Variants in TRPM4 observed in about 807,000 individuals in gnomAD.
The protein encoded by TRPM4 is transient receptor potential cation channel subfamily M member 4.
TRPM4 carries 124 observed loss-of-function variants against 135.6 expected under a neutral mutation model. The ratio of observed to expected loss-of-function variants is 0.91; its 90% CI spans 0.79 to 1.06. TRPM4 has a LOEUF of 1.06. Among genes scored for constraint, TRPM4 ranks in the 50% least tolerant of loss-of-function variants. The pLI is 0.00. For missense variants in TRPM4, 1,658 were observed against 1,671.4 expected, an observed-to-expected ratio of 0.99 and a Z score of 0.14; for synonymous variants, 745 against 705.6, an observed-to-expected ratio of 1.06 and a Z score of -0.88.
chr19:49,184,312 G>T (rs1046130658), intron 12 of TRPM4, among the ~76,000 whole-genome samples: 1 of 151,674 alleles, frequency 6.6e-6, no homozygotes, highest in African/African-American at 2.4e-5. Context: ...TAATCTCAAT[G>T]TACTTAGCTT....
rs761488384 is a variant in TRPM4 at position 49,200,467 on chromosome 19, AT to A, written c.2778+36del. On this transcript the variant is annotated intron_variant, in intron 18 of 24. Transcript: ENST00000252826. ...GGGCGGGGCCAAAGTGGGCGGGGAC[AT>A]AGGGAAAGGGGTGGGGCCAGGGAGG... The A allele has an allele frequency of 2.6e-4, 330 of 1,251,274 alleles. 4 individuals carry two copies. The highest frequency in any genetic ancestry group is 6.8e-5 in the Non-Finnish European group (61 of 901,756). 77.5% of individuals were successfully genotyped at this position (1,251,274 alleles called of 1,614,324 possible).
rs775972446 is a variant in TRPM4 at position 49,210,488 on chromosome 19, T to G, written c.3328+83T>G. 2.5e-5 allele frequency: 39 copies of G among 1,532,210 alleles called. No individual in the cohort carries two copies. The highest frequency in any genetic ancestry group is 3.3e-5 in the Non-Finnish European group (37 of 1,123,304). The allele number at this position is 1,532,210 out of a possible 1,614,324, so 94.9% of individuals were successfully genotyped here. On this transcript the variant is annotated intron_variant, in intron 21 of 24. Transcript: ENST00000252826. The surrounding 1 kb of genome is among the most constrained non-coding windows in gnomAD (Gnocchi z 4.1). Reference sequence around the variant, plus strand: ...CGAGGGGAAGGGGGCATGCCCCAAATGACTAACGGGCGTGGCTTAGGTAGC... The same window carrying G: ...CGAGGGGAAGGGGGCATGCCCCAAAGGACTAACGGGCGTGGCTTAGGTAGC...
chr19:49,205,320 C>G (rs1969107445), intron 20 of TRPM4, among the ~76,000 whole-genome samples: 1 of 152,034 alleles, frequency 6.6e-6, no homozygotes, highest in Non-Finnish European at 1.5e-5. Flanking sequence ...TCTTTGGCTT[C>G]TAGTTGCGTC....
chr19:49,196,170 T>A (rs1177693761), intron 16 of TRPM4, among the ~76,000 whole-genome samples: 4 of 152,154 alleles, frequency 2.6e-5, no homozygotes, highest in African/African-American at 9.7e-5. Flanking sequence ...GGTATATTTT[T>A]AAAATATTTT....
Position 49,210,314 on chromosome 19 carries a change from T to C in TRPM4, c.3237T>C (p.Phe1079=). The C allele has an allele frequency of 1.2e-6, 2 of 1,614,216 alleles. No individual in the cohort carries two copies. Among genetic ancestry groups the C allele is most frequent in the South Asian group, 1.1e-5 (1 of 91,086 alleles). ...FHSRPALAPP[F]IVISHLRLLL... is the part of the protein sequence containing the mutation. ...CTCGGCCCGCGCTGGCCCCGCCCTTTATCGTCATCTCCCACTTGCGCCTCC... is the reference window on the plus strand; with the variant it reads ...CTCGGCCCGCGCTGGCCCCGCCCTTCATCGTCATCTCCCACTTGCGCCTCC... Residue 1079 remains phenylalanine, a synonymous_variant, in exon 21 of 25, where the codon TTT becomes TTC. Coordinates refer to ENST00000252826, the MANE Select transcript of TRPM4 (RefSeq NM_017636.4). This position sits in a 1 kb window ranked among gnomAD's most constrained non-coding sequence, Gnocchi z 4.1.
chr19:49,201,372 G>A (rs112289773), intron 19 of TRPM4, among the ~76,000 whole-genome samples: 4,681 of 152,268 alleles, frequency 0.031, 246 homozygotes, highest in African/African-American at 0.11. Context: ...TTTTAAATAA[G>A]GAAGAGGAAC....
Position 49,196,481 on chromosome 19 carries a change from G to T in TRPM4, c.2252G>T (p.Arg751Leu), listed in dbSNP as rs761853327. 1 of 1,554,300 alleles carries T rather than the reference G, an allele frequency of 6.4e-7. No homozygotes were observed. The highest frequency in any genetic ancestry group is 8.7e-7 in the Non-Finnish European group (1 of 1,153,232). The part of the protein sequence containing the change: ...PAEKTPLGVP[R>L]QSGRPGCCGG... ...GAGAAGACGCCGCTGGGGGTCCCGC[G>T]CCAGTCGGGCCGTCCGGGTTGCTGC... The change falls in exon 17 of 25, where the codon CGC (arginine) becomes CTC (leucine). Residue 751 changes from arginine (R) to leucine (L), a missense_variant. Coordinates refer to ENST00000252826, the MANE Select transcript of TRPM4 (RefSeq NM_017636.4).
intron 17 of TRPM4, among the ~76,000 whole-genome samples, chr19:49,199,184 C>G (rs1968815989): frequency 6.6e-6 from 1 of 151,468 alleles, no homozygotes; most frequent in African/African-American, 2.4e-5. Flanking sequence ...TCTTGACTAC[C>G]AGATAGGTTG....
Position 49,210,122 on chromosome 19 carries a change from G to T in TRPM4, c.3132-87G>T. Reference sequence around the variant, plus strand: ...TGACTTCTGTCTGCTGCTATAGACTGAACAATTATTGCCTGGCATCTAACC... The same window carrying T: ...TGACTTCTGTCTGCTGCTATAGACTTAACAATTATTGCCTGGCATCTAACC... On this transcript the variant is annotated intron_variant, in intron 20 of 24. Coordinates refer to ENST00000252826, the MANE Select transcript of TRPM4 (RefSeq NM_017636.4). The surrounding 1 kb of genome is among the most constrained non-coding windows in gnomAD (Gnocchi z 4.1). The T allele has an allele frequency of 1.5e-6, 2 of 1,336,320 alleles. No individual in the cohort carries two copies. Among genetic ancestry groups the T allele is most frequent in the South Asian group, 2.3e-5 (2 of 85,234 alleles). The allele number at this position is 1,336,320 out of a possible 1,614,324, so 82.8% of individuals were successfully genotyped here.
rs1026716124 is a variant in TRPM4, at chr19:49,190,686, C to T, written c.2133-10C>T. ...CCTCATTTCTTGCTCTGTGCTTCCC[C>T]CCTTGCTAGGAAATCAGAAGAGGAG... is the stretch of plus-strand genomic sequence containing the variant. On this transcript the variant is annotated splice_polypyrimidine_tract_variant and intron_variant, in intron 15 of 24. Coordinates refer to ENST00000252826, the MANE Select transcript of TRPM4 (RefSeq NM_017636.4). 11 of 1,613,944 alleles carry T rather than the reference C, an allele frequency of 6.8e-6. No homozygotes were observed. The highest frequency in any genetic ancestry group is 9.3e-6 in the Non-Finnish European group (11 of 1,179,962).
Position 49,168,679 on chromosome 19 carries a change from A to T in TRPM4, c.739A>T (p.Asn247Tyr), listed in dbSNP as rs1555752067. The T allele has an allele frequency of 2.5e-6, 4 of 1,611,834 alleles. No individual in the cohort carries two copies. The highest frequency in any genetic ancestry group is 2.5e-6 in the Non-Finnish European group (3 of 1,179,486). The change falls in exon 6 of 25, where the codon AAC becomes TAC. Residue 247 changes from asparagine to tyrosine, a missense_variant. Transcript: ENST00000252826. ...CACACACGGCTGCCTGGGGGGCGAG[A>T]ACCGCTTCCGCTTGCGCCTGGAGTC... ...DGTHGCLGGENRFRLRLESYI... is the reference protein window; with the variant it reads ...DGTHGCLGGEYRFRLRLESYI...
At position 49,176,779 on chromosome 19, in the gene TRPM4, A is replaced by G. The variant is rs559560591; in HGVS notation, c.1151-4570A>G. Among the ~76,000 whole-genome samples the G allele has an allele frequency of 5.3e-5, 8 of 152,262 alleles. No individual in the cohort carries two copies. The South Asian group carries it at 1.7e-3, about 32-fold the overall frequency. Reference sequence around the variant, plus strand: ...GGCAGGAGAATCGCTTGAACCCAGGAGGTGGAGGTTGCCGTGAGCCAAGAT... The same window carrying G: ...GGCAGGAGAATCGCTTGAACCCAGGGGGTGGAGGTTGCCGTGAGCCAAGAT... On this transcript the variant is annotated intron_variant, in intron 9 of 24. Transcript: ENST00000252826.
chr19:49,174,708 C>T (rs1008015478), intron 9 of TRPM4, among the ~76,000 whole-genome samples: 2 of 146,714 alleles, frequency 1.4e-5, no homozygotes, highest in Admixed American at 1.4e-4. Flanking sequence ...TGTGCCACTG[C>T]ACTCCAGCCT....
Position 49,182,822 on chromosome 19 carries a change from TG to T in TRPM4, c.1512del (p.His505MetfsTer3). On this transcript the variant is annotated frameshift_variant, in exon 11 of 25. Coordinates refer to ENST00000252826, the MANE Select transcript of TRPM4 (RefSeq NM_017636.4). LOFTEE classifies it high-confidence loss of function. ...GCTGCGGAGCTCCGGCCCCCTGACG[TG>T]GGGCATGTGCTGAGGATGCTGCTGG... is the stretch of plus-strand genomic sequence containing the variant. ...GGAAELRPPD[V>X]GHVLRMLLGK... is the part of the protein sequence containing the mutation. 1 of 1,613,252 alleles carries T rather than the reference TG, an allele frequency of 6.2e-7. No homozygotes were observed. Among genetic ancestry groups the T allele is most frequent in the Admixed American group, 1.7e-5 (1 of 59,984 alleles).
chr19:49,197,330 T>TTC (rs1391663085), intron 17 of TRPM4, among the ~76,000 whole-genome samples: 3 of 136,554 alleles, frequency 2.2e-5, no homozygotes, highest in Middle Eastern at 3.7e-3. Context: ...CTTTCTTTCT[T>TTC]TCTTTCTTTC....
At position 49,171,334 on chromosome 19, in the gene TRPM4, G is replaced by A. The variant is rs1967444649; in HGVS notation, c.797-23G>A. On this transcript the variant is annotated intron_variant, in intron 6 of 24. Coordinates refer to ENST00000252826, the MANE Select transcript of TRPM4 (RefSeq NM_017636.4). This position sits in a 1 kb window ranked among gnomAD's most constrained non-coding sequence, Gnocchi z 4.7. ...GCAAAGGCTGATGGGAGGTAATCAAGCCCCCTTCTCTTCTTGCCTCAGGGA... is the reference window on the plus strand; with the variant it reads ...GCAAAGGCTGATGGGAGGTAATCAAACCCCCTTCTCTTCTTGCCTCAGGGA... 26 of 1,614,096 alleles carry A rather than the reference G, an allele frequency of 1.6e-5. No individual in the cohort carries two copies. The highest frequency in any genetic ancestry group is 2.0e-5 in the Non-Finnish European group (24 of 1,179,950).
At chr19:49,201,280 G>C (rs774490754) in intron 19 of TRPM4, among the ~76,000 whole-genome samples, 8 of 152,240 alleles carry the variant, frequency 5.3e-5, no homozygotes, top group Non-Finnish European at 1.0e-4. Context: ...TAGTAACTTA[G>C]AAGTTTTTAA....
Position 49,200,443 on chromosome 19 carries a change from G to T in TRPM4, c.2778+11G>T, listed in dbSNP as rs757681782. 6.8e-6 allele frequency: 11 copies of T among 1,612,390 alleles called. No homozygotes were observed. In the South Asian group the frequency reaches 1.1e-4, roughly 16 times the overall value. ...ATCGTGAGCAAGATGGTGAGGCAGG[G>T]GCGGGGCCAAAGTGGGCGGGGACAT... On this transcript the variant is annotated intron_variant, in intron 18 of 24. Coordinates refer to ENST00000252826, the MANE Select transcript of TRPM4 (RefSeq NM_017636.4).
intron 9 of TRPM4, among the ~76,000 whole-genome samples, chr19:49,174,365 C>CT (rs1027678107): frequency 3.3e-5 from 5 of 151,862 alleles, no homozygotes; most frequent in Admixed American, 3.3e-4. Context: ...GTTGGTCAGG[C>CT]TGGCCTCGAA....
Sources: allele counts gnomAD v4.1 joint callset (sites outside exome capture counted in the v4.1 genomes callset), GRCh38; gene constraint gnomAD v4.1.1; non-coding constraint Gnocchi (gnomAD v3.1); transcripts MANE v1.5; gene names NCBI Gene and HGNC (gene_info 2026-07-23, HGNC 2026-07-21).